Variants in CDIN1 observed in about 807,000 individuals in gnomAD.
CDIN1 encodes the protein CDAN1-interacting nuclease 1.
In CDIN1, 33 loss-of-function variants were observed where a neutral mutation model predicts 45.3. The observed-to-expected ratio is 0.73, with a 90% CI of 0.55 to 0.97. The LOEUF (loss-of-function observed/expected upper bound fraction) is 0.97. Among genes scored for constraint, CDIN1 ranks in the 50% least tolerant of loss-of-function variants. The pLI is 0.00. For synonymous variants in CDIN1, 118 were observed against 124.4 expected (o/e 0.95, Z 0.34); for missense variants, 303 against 339.4 (o/e 0.89, Z 0.84).
chr15:36,599,055 T>G (rs1337186601), intron 1 of CDIN1, among the ~76,000 whole-genome samples: 1 of 151,760 alleles, frequency 6.6e-6, no homozygotes, highest in Non-Finnish European at 1.5e-5. Context: ...TGTGGGCCTG[T>G]GCTTATTTTT....
intron 1 of CDIN1, among the ~76,000 whole-genome samples, chr15:36,635,196 C>A (rs909329548): frequency 6.6e-6 from 1 of 152,144 alleles, no homozygotes; most frequent in African/African-American, 2.4e-5. Flanking sequence ...ATCTGATTGG[C>A]ACCAAAAATT....
intron 1 of CDIN1, among the ~76,000 whole-genome samples, chr15:36,608,053 T>C (rs2038464982): frequency 6.6e-6 from 1 of 152,268 alleles, no homozygotes; most frequent in Admixed American, 6.5e-5. Context: ...ATTGTAGGAA[T>C]ATACTACCTT....
chr15:36,701,135 T>C (rs2042626295), intron 8 of CDIN1, among the ~76,000 whole-genome samples: 1 of 141,938 alleles, frequency 7.0e-6, no homozygotes, highest in Admixed American at 7.0e-5. Flanking sequence ...GATAGATAGA[T>C]AGATAGATAG....
At position 36,774,163 on chromosome 15, in the gene CDIN1, T is replaced by TGTGTGTGTGCGCGCGC. The variant is rs149222188; in HGVS notation, c.717-34160_717-34159insTGTGTGTGCGCGCGCG. Among the ~76,000 whole-genome samples, 159 of 143,144 alleles carry TGTGTGTGTGCGCGCGC rather than the reference T, an allele frequency of 1.1e-3. 1 individual carries two copies. The highest frequency in any genetic ancestry group is 3.7e-3 in the African/African-American group (140 of 37,732). The allele number at this position is 143,144 out of a possible 152,430, so 93.9% of individuals were successfully genotyped here. A position where few individuals can be genotyped will look rare whatever the true frequency, so the allele number is the denominator to read the frequency against. Reference sequence around the variant, plus strand: ...GTGTGTGTGTGTGTGTGTGTGTGTGTGCGCGCGCGCGCATGCATGAGGGGA... The same window carrying TGTGTGTGTGCGCGCGC: ...GTGTGTGTGTGTGTGTGTGTGTGTGTGTGTGTGTGCGCGCGCGCGCGCGCGCGCATGCATGAGGGGA... On this transcript the variant is annotated intron_variant, in intron 10 of 10. Transcript: ENST00000566621.
chr15:36,623,450 T>A (rs1440229536), intron 1 of CDIN1, among the ~76,000 whole-genome samples: 1 of 152,238 alleles, frequency 6.6e-6, no homozygotes, highest in African/African-American at 2.4e-5. Flanking sequence ...CTTTATCGAA[T>A]GATGAACTCA....
intron 10 of CDIN1, chr15:36,734,410 TA>T (rs397796356): frequency 2.1e-4 from 81 of 387,340 alleles, no homozygotes; most frequent in African/African-American, 1.0e-3. Context: ...TTTTTTTTTT[TA>T]AAAAAAGCTC....
intron 1 of CDIN1, among the ~76,000 whole-genome samples, chr15:36,622,772 G>C (rs934814074): frequency 6.6e-6 from 1 of 152,238 alleles, no homozygotes; most frequent in Non-Finnish European, 1.5e-5. Context: ...ACAGGAACCA[G>C]GCAGAGCCTG....
At chr15:36,705,275 T>C (rs1051508910) in intron 8 of CDIN1, 2 of 152,158 alleles carry the variant, frequency 1.3e-5, no homozygotes, top group African/African-American at 4.8e-5. Context: ...GAAAACAAGA[T>C]ACTATCTAGT....
chr15:36,648,098 C>G (rs1289168138), intron 3 of CDIN1, among the ~76,000 whole-genome samples: 1 of 152,130 alleles, frequency 6.6e-6, no homozygotes, highest in Non-Finnish European at 1.5e-5. Flanking sequence ...CTCGGCCTCC[C>G]AAAGTGCTGG....
chr15:36,767,364 C>A (rs1009804900), intron 10 of CDIN1, among the ~76,000 whole-genome samples: 1 of 152,190 alleles, frequency 6.6e-6, no homozygotes, highest in Admixed American at 6.6e-5. Flanking sequence ...ACCAGGAGTT[C>A]TAGCCTGTGG....
At chr15:36,648,225 C>CTTT (rs1288593743) in intron 3 of CDIN1, among the ~76,000 whole-genome samples, 3 of 152,060 alleles carry the variant, frequency 2.0e-5, no homozygotes, top group Non-Finnish European at 4.4e-5. Flanking sequence ...AGTCTTTTGT[C>CTTT]AGCCCATTTT....
rs147820480 is a variant in CDIN1 at position 36,701,118 on chromosome 15, G to A, written c.544+3728G>A. Among the ~76,000 whole-genome samples the A allele has an allele frequency of 6.0e-3, 647 of 107,030 alleles. 16 individuals carry two copies. The South Asian group carries it at 0.097, about 16-fold the overall frequency. The allele number at this position is 107,030 out of a possible 152,430, so 70.2% of individuals were successfully genotyped here. On this transcript the variant is annotated intron_variant, in intron 8 of 10. Transcript: ENST00000566621. ...GGTAGGTAGATAGATAGATAGATAG[G>A]TAGGTAGATAGATAGATAGATAGAT...
At chr15:36,637,277 C>T (rs550063355) in intron 1 of CDIN1, among the ~76,000 whole-genome samples, 3 of 152,098 alleles carry the variant, frequency 2.0e-5, no homozygotes, top group Non-Finnish European at 4.4e-5. Context: ...ACGTAAAAGC[C>T]GAAACTATTA....
intron 1 of CDIN1, chr15:36,627,505 C>A: frequency 6.4e-6 from 1 of 156,234 alleles, no homozygotes; most frequent in South Asian, 1.8e-4. Flanking sequence ...TGGACCAGGC[C>A]TGGTGCATGG....
chr15:36,697,221 G>A (rs1436970588), intron 7 of CDIN1, 102 bp from the exon 8 acceptor site: 2 of 865,632 alleles, frequency 2.3e-6, no homozygotes, highest in Admixed American at 2.0e-5. Flanking sequence ...TCCAAGATGT[G>A]GACTAAGGGT....
Position 36,709,928 on chromosome 15 carries a change from A to G in CDIN1, c.683A>G (p.Tyr228Cys), listed in dbSNP as rs201129655. 6.8e-6 allele frequency: 11 copies of G among 1,613,154 alleles called. No individual in the cohort carries two copies. Among genetic ancestry groups the G allele is most frequent in the Non-Finnish European group, 9.3e-6 (11 of 1,179,302 alleles). Residue 228 changes from tyrosine to cysteine, a missense_variant, in exon 10 of 11, where the codon TAC becomes TGC. Transcript: ENST00000566621. ...SFGDECSHHA[Y>C]LHDQFWSYWN... ...GGTGATGAATGTAGCCACCACGCCT[A>G]CCTGCATGACCAGTTCTGGAGCTAC...
At chr15:36,699,274 A>G (rs2042547243) in intron 8 of CDIN1, among the ~76,000 whole-genome samples, 1 of 152,208 alleles carries the variant, frequency 6.6e-6, no homozygotes, top group African/African-American at 2.4e-5. Context: ...TTTGTATGAA[A>G]TATTGTTATG....
At chr15:36,603,890 C>T (rs908590347) in intron 1 of CDIN1, among the ~76,000 whole-genome samples, 6 of 152,080 alleles carry the variant, frequency 3.9e-5, no homozygotes, top group Admixed American at 1.3e-4. Flanking sequence ...TTAATAGATG[C>T]CTTGGTTTGC....
intron 1 of CDIN1, among the ~76,000 whole-genome samples, chr15:36,635,275 G>A (rs933538474): frequency 6.6e-6 from 1 of 152,132 alleles, no homozygotes; most frequent in Admixed American, 6.5e-5. Context: ...AATTCTGTCT[G>A]GAGAAAACAT....
Sources: allele counts gnomAD v4.1 joint callset (sites outside exome capture counted in the v4.1 genomes callset), GRCh38; gene constraint gnomAD v4.1.1; transcripts MANE v1.5; gene names NCBI Gene and HGNC (gene_info 2026-07-23, HGNC 2026-07-21).